Variants in PLEC observed in about 807,000 individuals in gnomAD.
PLEC encodes hemidesmosomal protein 1.
A neutral mutation model predicts 392.8 loss-of-function variants in PLEC; 216 were observed. That is an observed-to-expected ratio of 0.55 (90% CI 0.49 to 0.62). PLEC has a LOEUF of 0.62. PLEC is among the 20% of genes least tolerant of loss of function. The probability of loss-of-function intolerance (pLI) is 0.00; values close to 1 mark genes in which losing one functional copy is unlikely to be tolerated. For synonymous variants in PLEC, 3,621 were observed against 2,980.6 expected, an observed-to-expected ratio of 1.21 and a Z score of -7.00; for missense variants, 6,863 against 6,563.4, an observed-to-expected ratio of 1.05 and a Z score of -1.58.
intron 1 of PLEC, among the ~76,000 whole-genome samples, chr8:143,970,792 C>T (rs967382992): frequency 6.6e-5 from 10 of 152,222 alleles, no homozygotes; most frequent in South Asian, 2.1e-4. Context: ...TCCCATGGTG[C>T]GGCAGAACGG....
rs1554694422 is a variant in PLEC at position 143,923,839 on chromosome 8, C to T, written c.6090G>A (p.Gln2030=). The change falls in exon 31 of 32, where the codon CAG becomes CAA. Residue 2030 remains glutamine (Q), a synonymous_variant. Transcript: ENST00000345136. ...EARRLRERAE[Q]ESARQLQLAQ... ...CCAGCTGCAGCTGCCGCGCCGACTC[C>T]TGCTCCGCTCGCTCCCGCAGGCGCC... 6.3e-7 allele frequency: 1 copy of T among 1,588,598 alleles called. No individual in the cohort carries two copies. Among genetic ancestry groups the T allele is most frequent in the South Asian group, 1.1e-5 (1 of 89,578 alleles).
In PLEC at chr8:143,922,768, C is replaced by A. The variant is rs781982762; in HGVS notation, c.7161G>T (p.Leu2387=). 5.0e-6 allele frequency: 8 copies of A among 1,606,192 alleles called. No individual in the cohort carries two copies. Among genetic ancestry groups the A allele is most frequent in the Non-Finnish European group, 6.8e-6 (8 of 1,178,364 alleles). Residue 2387 remains leucine (L), a synonymous_variant, in exon 31 of 32, where the codon CTG becomes CTT. Coordinates refer to ENST00000345136, the MANE Select transcript of PLEC (RefSeq NM_201384.3). ...EMSAEAERLK[L]RVAEMSRAQA... ...GGGCTCGGCTCATCTCGGCCACACG[C>A]AGCTTGAGGCGCTCAGCCTCAGCGC...
At chr8:143,943,651 G>C (rs966938500), upstream of PLEC, 1 of 872,952 alleles carries the variant, frequency 1.1e-6, no homozygotes, top group African/African-American at 1.7e-5. Context: ...TGGGGTGGAG[G>C]GGCAACACTG....
chr8:143,944,564 CT>C, upstream of PLEC: 1 of 842,968 alleles, frequency 1.2e-6, no homozygotes, highest in South Asian at 2.8e-5. Context: ...CGCCCCTGGC[CT>C]CCAGCCTCAG....
chr8:143,944,065 G>GCCTCCTCTCCTCCTC, upstream of PLEC: 1 of 879,620 alleles, frequency 1.1e-6, no homozygotes, highest in Non-Finnish European at 1.7e-6. Flanking sequence ...GCTCCCGCCC[G>GCCTCCTCTCCTCCTC]CCTCCTCTCC....
intron 1 of PLEC, among the ~76,000 whole-genome samples, chr8:143,963,327 T>C (rs782495638): frequency 6.6e-6 from 1 of 152,162 alleles, no homozygotes; most frequent in Non-Finnish European, 1.5e-5. Flanking sequence ...GTCAGGGCCT[T>C]AGGCCTAGAG....
At chr8:143,976,585 G>C (rs1175979984), upstream of PLEC, 1 of 152,276 alleles carries the variant, frequency 6.6e-6, no homozygotes, top group Non-Finnish European at 1.5e-5. Context: ...GAGGGCAGGA[G>C]GGGGCGCGGC....
rs527943274 is a variant in PLEC, at chr8:143,922,487, C to A, written c.7425+17G>T. The A allele has an allele frequency of 6.9e-6, 11 of 1,605,570 alleles. No homozygotes were observed. The highest frequency in any genetic ancestry group is 9.3e-6 in the Non-Finnish European group (11 of 1,179,952). Reference sequence around the variant, plus strand: ...TCCCCGGGCCCACCCGCCCGTCGCACGTAGAGGGGGCGGTACCTCCTCAGA... The same window carrying A: ...TCCCCGGGCCCACCCGCCCGTCGCAAGTAGAGGGGGCGGTACCTCCTCAGA... On this transcript the variant is annotated intron_variant, in intron 31 of 31. Coordinates refer to ENST00000345136, the MANE Select transcript of PLEC (RefSeq NM_201384.3).
rs147916296 is a variant in PLEC, at chr8:143,923,674, C to T, written c.6255G>A (p.Ala2085=). 205 of 1,553,202 alleles carry T rather than the reference C, an allele frequency of 1.3e-4. No homozygotes were observed. In the East Asian group the frequency reaches 3.7e-3, roughly 28 times the overall value. The change falls in exon 31 of 32, where the codon GCG becomes GCA. Residue 2085 remains alanine, a synonymous_variant. Coordinates refer to ENST00000345136, the MANE Select transcript of PLEC (RefSeq NM_201384.3). ...VLDQLRGEAE[A]ARRAAEEAEE... ...CCGCCTCCTCAGCCGCCCGCCGGGCCGCCTCCGCCTCGCCGCGCAGCTGGT... is the reference window on the plus strand; with the variant it reads ...CCGCCTCCTCAGCCGCCCGCCGGGCTGCCTCCGCCTCGCCGCGCAGCTGGT...
chr8:143,975,057 G>T, upstream of PLEC: 2 of 1,148,190 alleles, frequency 1.7e-6, no homozygotes, highest in Non-Finnish European at 2.5e-6. This position sits in a 1 kb window ranked among gnomAD's most constrained non-coding sequence, Gnocchi z 9.9. Context: ...GGCCCTCCGT[G>T]ACCCGCAGAT....
At position 143,926,111 on chromosome 8, in the gene PLEC, G is replaced by A. The variant is rs776156713; in HGVS notation, c.4045-227C>T. Among the ~76,000 whole-genome samples, 175 of 152,358 alleles carry A rather than the reference G, an allele frequency of 1.1e-3. 1 individual carries two copies. The highest frequency in any genetic ancestry group is 1.9e-3 in the Non-Finnish European group (132 of 68,032). ...CCAGCCTGGGGAAGGAGGCCCAGGC[G>A]TCCTCCCTGCTTCCCGCAGACAGGC... On this transcript the variant is annotated intron_variant, in intron 30 of 31. Coordinates refer to ENST00000345136, the MANE Select transcript of PLEC (RefSeq NM_201384.3).
upstream of PLEC, chr8:143,975,252 G>T: frequency 6.2e-7 from 1 of 1,608,146 alleles, no homozygotes; most frequent in Admixed American, 1.7e-5. This position sits in a 1 kb window ranked among gnomAD's most constrained non-coding sequence, Gnocchi z 9.9. Flanking sequence ...CCGCTGCGCC[G>T]GCTCCGCTGC....
intron 3 of PLEC, 38 bp downstream of exon 3, chr8:143,938,113 G>A (rs201831062): frequency 1.4e-6 from 2 of 1,477,374 alleles, no homozygotes; most frequent in South Asian, 2.3e-5. Context: ...TCTCCAGGTG[G>A]GGCAGGCGGG....
intron 1 of PLEC, chr8:143,946,377 T>C: frequency 7.8e-7 from 1 of 1,288,500 alleles, no homozygotes; most frequent in Non-Finnish European, 1.0e-6. Flanking sequence ...AGCTCCTCCA[T>C]GCTGTACCTG....
At chr8:143,964,556 G>C (rs1337605808) in intron 1 of PLEC, among the ~76,000 whole-genome samples, 1 of 152,164 alleles carries the variant, frequency 6.6e-6, no homozygotes, top group Non-Finnish European at 1.5e-5. Flanking sequence ...CCGAAGGAGC[G>C]TGGCCCTGTC....
chr8:143,927,796 T>C, intron 26 of PLEC, 30 bp from the exon 27 acceptor site: 1 of 1,587,660 alleles, frequency 6.3e-7, no homozygotes, highest in Non-Finnish European at 8.6e-7. Context: ...CATGTGCGGC[T>C]TCAGCTGGGC....
rs58958846 is a variant in PLEC at position 143,936,167 on chromosome 8, C to T, written c.436-153G>A. ...CCAGGGCAGCACCGGGCTCCAGGGCCCTTCCCTGTTGGGAAGCTGCTGGGA... is the reference window on the plus strand; with the variant it reads ...CCAGGGCAGCACCGGGCTCCAGGGCTCTTCCCTGTTGGGAAGCTGCTGGGA... On this transcript the variant is annotated intron_variant, in intron 5 of 31. Coordinates refer to ENST00000345136, the MANE Select transcript of PLEC (RefSeq NM_201384.3). Among the ~76,000 whole-genome samples, 6,064 of 152,230 alleles carry T rather than the reference C, an allele frequency of 0.04. 412 individuals carry two copies. The highest frequency in any genetic ancestry group is 0.14 in the African/African-American group (5,717 of 41,494).
chr8:143,974,908 CT>C (rs1169528971), upstream of PLEC, among the ~76,000 whole-genome samples: 3 of 152,216 alleles, frequency 2.0e-5, no homozygotes, highest in Non-Finnish European at 2.9e-5. The surrounding 1 kb of genome is among the most constrained non-coding windows in gnomAD (Gnocchi z 5.9). Flanking sequence ...AAAAATTATC[CT>C]TGTTGCATCT....
Position 143,919,893 on chromosome 8 carries a change from C to T in PLEC, c.9928G>A (p.Ala3310Thr). ...QERLSFSGLRAPVPASELLAS... is the reference protein window; with the variant it reads ...QERLSFSGLRTPVPASELLAS... ...AGGAGCTCGCTGGCTGGCACAGGGG[C>T]ACGGAGGCCGCTGAAGGACAGCCTC... is the stretch of plus-strand genomic sequence containing the variant. Residue 3310 changes from alanine (A) to threonine (T), a missense_variant, in exon 32 of 32, where the codon GCC (alanine) becomes ACC (threonine). Physicochemically the swap from Ala to Thr is moderately conservative, Grantham distance 58. Transcript: ENST00000345136. 6.2e-7 allele frequency: 1 copy of T among 1,613,084 alleles called. No individual in the cohort carries two copies. Among genetic ancestry groups the T allele is most frequent in the African/African-American group, 1.3e-5 (1 of 75,046 alleles).
Sources: gnomAD v4.1 joint callset for allele counts (sites outside exome capture counted in the v4.1 genomes callset) on GRCh38, gnomAD v4.1.1 for gene constraint, Gnocchi (gnomAD v3.1) non-coding constraint, MANE v1.5 for transcripts, NCBI Gene and HGNC (gene_info 2026-07-23, HGNC 2026-07-21) for gene names.